NCK2: variants seen among roughly 807,000 people sequenced by gnomAD.
NCK2 encodes cytoplasmic protein NCK2.
NCK2 carries 16 observed loss-of-function variants against 33.9 expected under a neutral mutation model. That is an observed-to-expected ratio of 0.47 (90% CI 0.32 to 0.72). NCK2 has a LOEUF of 0.72. Ranked by LOEUF, NCK2 falls within the 30% of genes least tolerant of loss-of-function variation. The pLI is 0.03. For synonymous variants in NCK2, 273 were observed against 239.9 expected (o/e 1.14, Z -1.27); for missense variants, 418 against 537.3 (o/e 0.78, Z 2.19).
intron 2 of NCK2, among the ~76,000 whole-genome samples, chr2:105,850,675 T>G (rs575897403): frequency 6.6e-6 from 1 of 152,354 alleles, no homozygotes; most frequent in East Asian, 1.9e-4. Context: ...AAACATGCGT[T>G]GTTCTTTGGA....
rs137875252 is a variant in NCK2, at chr2:105,777,236, C to T, written c.-201+32098C>T. On this transcript the variant is annotated intron_variant, in intron 1 of 4. Coordinates refer to ENST00000233154, the MANE Select transcript of NCK2 (RefSeq NM_003581.5). ...TAGGAACCTGCTGTCCCCATAGCCACGAGCCGGGGTGTTGCGGGGGGGCAA... is the reference window on the plus strand; with the variant it reads ...TAGGAACCTGCTGTCCCCATAGCCATGAGCCGGGGTGTTGCGGGGGGGCAA... Among the ~76,000 whole-genome samples, 745 of 152,268 alleles carry T rather than the reference C, an allele frequency of 4.9e-3. 3 individuals carry two copies. Among genetic ancestry groups the T allele is most frequent in the Middle Eastern group, 0.01 (3 of 294 alleles).
intron 1 of NCK2, among the ~76,000 whole-genome samples, chr2:105,812,334 A>G (rs963388120): frequency 3.3e-5 from 5 of 152,198 alleles, no homozygotes; most frequent in Non-Finnish European, 5.9e-5. Context: ...ATCAGTCCAC[A>G]TGGGTTGAAC....
intron 2 of NCK2, among the ~76,000 whole-genome samples, chr2:105,841,001 G>A (rs1034954883): frequency 6.6e-5 from 10 of 152,116 alleles, no homozygotes; most frequent in African/African-American, 2.4e-4. Flanking sequence ...GTAACTTTAG[G>A]TCAGTAATTG....
intron 2 of NCK2, among the ~76,000 whole-genome samples, chr2:105,830,691 G>GTGTA (rs1676144033): frequency 6.8e-6 from 1 of 147,092 alleles, no homozygotes; most frequent in Non-Finnish European, 1.5e-5. Flanking sequence ...GTGTGTGTGT[G>GTGTA]TGTGTGTGTG....
rs778695540 is a variant in NCK2, at chr2:105,881,959, C to T, written c.858C>T (p.Tyr286=). The change falls in exon 4 of 5, where the codon TAC becomes TAT. Residue 286 remains tyrosine, a synonymous_variant. Transcript: ENST00000233154. The stretch of plus-strand genomic sequence containing the variant: ...GGCGCTTCGCGGGCAGAGAGTGGTA[C>T]TACGGGAACGTGACGCGGCACCAGG... The part of the protein sequence containing the change: ...SSGRFAGREW[Y]YGNVTRHQAE... 1.9e-6 allele frequency: 3 copies of T among 1,540,156 alleles called. No individual in the cohort carries two copies. The highest frequency in any genetic ancestry group is 2.6e-6 in the Non-Finnish European group (3 of 1,145,708).
In NCK2 at chr2:105,837,643, G is replaced by A. The variant is rs147144518; in HGVS notation, c.-16-17405G>A. ...TAGAAGTGGAGCTGCTGCCTTGTAC[G>A]TATGTCAGTATTCTGCATTACAAGA... On this transcript the variant is annotated intron_variant, in intron 2 of 4. Transcript: ENST00000233154. Among the ~76,000 whole-genome samples, 213 of 152,234 alleles carry A rather than the reference G, an allele frequency of 1.4e-3. 1 individual carries two copies. Among genetic ancestry groups the A allele is most frequent in the Non-Finnish European group, 3.7e-4 (25 of 68,028 alleles).
At chr2:105,822,738 A>G (rs951910236) in intron 2 of NCK2, among the ~76,000 whole-genome samples, 1 of 152,038 alleles carries the variant, frequency 6.6e-6, no homozygotes, top group African/African-American at 2.4e-5. Context: ...ATAACATTCC[A>G]TTCATTTTTC....
chr2:105,845,969 A>G (rs922998585), intron 2 of NCK2, among the ~76,000 whole-genome samples: 3 of 152,178 alleles, frequency 2.0e-5, no homozygotes, highest in African/African-American at 7.2e-5. Context: ...CTGGCTTGGC[A>G]GAAGGCAGTG....
intron 3 of NCK2, among the ~76,000 whole-genome samples, chr2:105,871,054 A>T (rs1037449039): frequency 5.3e-5 from 8 of 152,046 alleles, no homozygotes; most frequent in African/African-American, 1.9e-4. Context: ...CTGGCAGTGG[A>T]GGTGCCTGTC....
Position 105,819,473 on chromosome 2 carries a change from CATTAATAATTT to C in NCK2, c.-17+2865_-17+2875del, listed in dbSNP as rs1675642114. ...ATCTTCTGATTGGATCATCAGAACTCATTAATAATTTATTAGCATCAGAGTCTGTCACTACT... is the reference window on the plus strand; with the variant it reads ...ATCTTCTGATTGGATCATCAGAACTCATTAGCATCAGAGTCTGTCACTACT... On this transcript the variant is annotated intron_variant, in intron 2 of 4. Coordinates refer to ENST00000233154, the MANE Select transcript of NCK2 (RefSeq NM_003581.5). Among the ~76,000 whole-genome samples the C allele has an allele frequency of 5.3e-5, 8 of 152,260 alleles. No individual in the cohort carries two copies. The South Asian group carries it at 1.7e-3, about 32-fold the overall frequency.
chr2:105,873,576 C>T (rs998124467), intron 3 of NCK2, among the ~76,000 whole-genome samples: 1 of 152,114 alleles, frequency 6.6e-6, no homozygotes, highest in African/African-American at 2.4e-5. Context: ...ATATTTACCA[C>T]GTTTTCAGAT....
intron 3 of NCK2, among the ~76,000 whole-genome samples, chr2:105,858,254 G>T (rs1207404147): frequency 3.3e-5 from 5 of 151,958 alleles, no homozygotes; most frequent in African/African-American, 1.2e-4. Flanking sequence ...ACTGACCACG[G>T]TTTGTTTTTG....
At chr2:105,763,059 G>C (rs188610069) in intron 1 of NCK2, among the ~76,000 whole-genome samples, 5 of 152,120 alleles carry the variant, frequency 3.3e-5, no homozygotes, top group Admixed American at 1.3e-4. Flanking sequence ...TTAGCCAGGC[G>C]TGGTGGTATG....
chr2:105,863,936 G>C (rs1474785820), intron 3 of NCK2, among the ~76,000 whole-genome samples: 1 of 152,138 alleles, frequency 6.6e-6, no homozygotes, highest in Non-Finnish European at 1.5e-5. Flanking sequence ...AGTCATTCAT[G>C]TGAAGAATAC....
chr2:105,847,319 GAAAA>G (rs373543976), intron 2 of NCK2: 1 of 142,328 alleles, frequency 7.0e-6, no homozygotes, highest in South Asian at 2.2e-4. Flanking sequence ...GGGGTTGGGT[GAAAA>G]AAAAAAAGAA....
intron 1 of NCK2, among the ~76,000 whole-genome samples, chr2:105,802,407 C>T (rs899238695): frequency 2.6e-5 from 4 of 152,174 alleles, no homozygotes; most frequent in African/African-American, 9.7e-5. Context: ...ATACTTGAGG[C>T]TGGGTCATTT....
intron 1 of NCK2, among the ~76,000 whole-genome samples, chr2:105,789,893 C>T (rs759173316): frequency 2.0e-5 from 3 of 152,184 alleles, no homozygotes; most frequent in Non-Finnish European, 4.4e-5. Context: ...CATCAGATAA[C>T]GAACAGGTTG....
At chr2:105,807,706 TTTCCTTCC>T (rs796424750) in intron 1 of NCK2, among the ~76,000 whole-genome samples, 3 of 148,242 alleles carry the variant, frequency 2.0e-5, no homozygotes, top group Non-Finnish European at 3.0e-5. Flanking sequence ...TCTTTTCTTT[TTTCCTTCC>T]TTCCTTCCTT....
At position 105,893,675 on chromosome 2, in the gene NCK2, A is replaced by C. The variant is rs1679092848; in HGVS notation, c.*499A>C. ...ATACGTTTGCTGATAGCAATACTGG[A>C]ACCACCGGGTGCGATGGCAGTGAGG... On this transcript the variant is annotated 3_prime_UTR_variant, in exon 5 of 5. Transcript: ENST00000233154. 6.5e-6 allele frequency: 1 copy of C among 153,440 alleles called. No individual in the cohort carries two copies. Among genetic ancestry groups the C allele is most frequent in the Admixed American group, 6.5e-5 (1 of 15,462 alleles). The allele number at this position is 153,440 out of a possible 1,614,324, so 9.5% of individuals were successfully genotyped here.
Sources: allele counts gnomAD v4.1 joint callset (sites outside exome capture counted in the v4.1 genomes callset), GRCh38; gene constraint gnomAD v4.1.1; transcripts MANE v1.5; gene names NCBI Gene and HGNC (gene_info 2026-07-23, HGNC 2026-07-21).